The following SETBP1 variants were observed in gnomAD, a reference collection of about 807,000 sequenced individuals.
The protein encoded by SETBP1 is SET binding protein 1.
A neutral mutation model predicts 101.0 loss-of-function variants in SETBP1; 9 were observed. The observed-to-expected ratio is 0.09, with a 90% CI of 0.05 to 0.16. The LOEUF (loss-of-function observed/expected upper bound fraction) is 0.16. Among genes scored for constraint, SETBP1 ranks in the 10% least tolerant of loss-of-function variants. SETBP1 has a pLI of 1.00. For synonymous variants in SETBP1, 818 were observed against 788.5 expected (o/e 1.04, Z -0.63); for missense variants, 1,858 against 2,033.8 (o/e 0.91, Z 1.66).
At chr18:44,683,430 C>T (rs2068790727) in intron 1 of SETBP1, among the ~76,000 whole-genome samples, 1 of 152,112 alleles carries the variant, frequency 6.6e-6, no homozygotes, top group Admixed American at 6.6e-5. Context: ...AGGCAGGAGG[C>T]AGGATTTTGC....
At chr18:45,055,574 C>T (rs558557178) in intron 5 of SETBP1, among the ~76,000 whole-genome samples, 1 of 151,616 alleles carries the variant, frequency 6.6e-6, no homozygotes, top group South Asian at 2.1e-4. Flanking sequence ...TTTTTAAGCA[C>T]TTGTGATAAG....
chr18:44,880,366 A>G (rs2069502343), intron 3 of SETBP1, among the ~76,000 whole-genome samples: 1 of 152,118 alleles, frequency 6.6e-6, no homozygotes, highest in Admixed American at 6.6e-5. Context: ...TTGCTGATGG[A>G]AAAAAGAGAG....
At chr18:44,781,448 G>T (rs953915359) in intron 2 of SETBP1, among the ~76,000 whole-genome samples, 31 of 142,668 alleles carry the variant, frequency 2.2e-4, no homozygotes, top group African/African-American at 7.3e-4. Flanking sequence ...TCTTTGCACC[G>T]CTCTCTCTCT....
chr18:44,788,757 C>T (rs563739361), intron 2 of SETBP1, among the ~76,000 whole-genome samples: 1 of 149,522 alleles, frequency 6.7e-6, no homozygotes, highest in Admixed American at 6.6e-5. Context: ...CAACTCCCCA[C>T]TCAGAGAAAC....
chr18:45,035,080 T>C (rs910944413), intron 4 of SETBP1, among the ~76,000 whole-genome samples: 1 of 151,968 alleles, frequency 6.6e-6, no homozygotes, highest in Non-Finnish European at 1.5e-5. Context: ...AGACTTCCAG[T>C]AGCCTGCCCA....
At chr18:45,004,637 C>T (rs2072687047) in intron 4 of SETBP1, among the ~76,000 whole-genome samples, 1 of 152,178 alleles carries the variant, frequency 6.6e-6, no homozygotes, top group African/African-American at 2.4e-5. Context: ...ACAGCCTTTC[C>T]ACCACTCCTC....
chr18:44,814,594 C>T (rs1011999202), intron 2 of SETBP1, among the ~76,000 whole-genome samples: 23 of 152,138 alleles, frequency 1.5e-4, no homozygotes, highest in Non-Finnish European at 4.4e-5. Flanking sequence ...CTCTATGTAA[C>T]CGAATGTTTG....
chr18:44,683,521 C>T (rs914007677), intron 1 of SETBP1, among the ~76,000 whole-genome samples: 1 of 152,170 alleles, frequency 6.6e-6, no homozygotes, highest in Non-Finnish European at 1.5e-5. Context: ...GGGGATGAAT[C>T]GATACTTGTC....
rs756180174 is a variant in SETBP1 at position 44,742,947 on chromosome 18, TTCTCTC to T, written c.486+41134_486+41139del. Among the ~76,000 whole-genome samples, 364 of 144,524 alleles carry T rather than the reference TTCTCTC, an allele frequency of 2.5e-3. 4 individuals carry two copies. The highest frequency in any genetic ancestry group is 8.9e-3 in the African/African-American group (347 of 39,052). 94.8% of individuals were successfully genotyped at this position (144,524 alleles called of 152,430 possible). ...CCTCATTGTGTCTGGCTCTCCCTCC[TTCTCTC>T]TCTCTCTCTCTCTCTCTCCCCCCCT... On this transcript the variant is annotated intron_variant, in intron 2 of 5. Coordinates refer to ENST00000649279, the MANE Select transcript of SETBP1 (RefSeq NM_015559.3).
intron 2 of SETBP1, among the ~76,000 whole-genome samples, chr18:44,760,584 T>C (rs1041312235): frequency 1.3e-5 from 2 of 152,220 alleles, no homozygotes; most frequent in Non-Finnish European, 2.9e-5. Context: ...ACACCTCCTC[T>C]TTCCTTTTCC....
intron 2 of SETBP1, among the ~76,000 whole-genome samples, chr18:44,761,969 T>G (rs910440670): frequency 2.0e-5 from 3 of 152,122 alleles, no homozygotes; most frequent in Non-Finnish European, 4.4e-5. Context: ...TAGGTCTTTG[T>G]GCATGACCTG....
chr18:44,877,779 A>G (rs1043006208), intron 3 of SETBP1, among the ~76,000 whole-genome samples: 2 of 151,954 alleles, frequency 1.3e-5, no homozygotes, highest in African/African-American at 4.8e-5. Context: ...TTTTTTTTTA[A>G]CCAGTATTGG....
chr18:44,894,767 C>T (rs777152061), intron 3 of SETBP1, among the ~76,000 whole-genome samples: 14 of 151,698 alleles, frequency 9.2e-5, no homozygotes, highest in Non-Finnish European at 1.6e-4. Context: ...CAACAAAGGA[C>T]CACCAAGAGA....
At chr18:44,821,996 T>C (rs1480731407) in intron 2 of SETBP1, among the ~76,000 whole-genome samples, 2 of 152,212 alleles carry the variant, frequency 1.3e-5, no homozygotes, top group Non-Finnish European at 2.9e-5. Context: ...AGCCATTATT[T>C]AAAGGATATT....
chr18:45,045,390 C>A (rs1216473218), intron 5 of SETBP1, among the ~76,000 whole-genome samples: 2 of 152,186 alleles, frequency 1.3e-5, no homozygotes, highest in Non-Finnish European at 2.9e-5. Context: ...GAAATCTCAC[C>A]ACTGCACTCC....
chr18:44,760,263 A>G, intron 2 of SETBP1, among the ~76,000 whole-genome samples: 1 of 152,234 alleles, frequency 6.6e-6, no homozygotes, highest in South Asian at 2.1e-4. Context: ...ATCAGGTCTC[A>G]GACATCTCTC....
At chr18:44,982,355 A>G (rs1442345805) in intron 4 of SETBP1, among the ~76,000 whole-genome samples, 2 of 152,216 alleles carry the variant, frequency 1.3e-5, no homozygotes, top group African/African-American at 4.8e-5. Flanking sequence ...CAGTCGCCTC[A>G]GGGGGCCAGA....
intron 4 of SETBP1, chr18:44,986,530 C>A (rs1320603435): frequency 1.3e-5 from 2 of 151,948 alleles, no homozygotes; most frequent in Admixed American, 6.6e-5. Context: ...TTAACTTTTT[C>A]ACTTTTGTAA....
At chr18:45,001,176 C>A (rs2072611127) in intron 4 of SETBP1, among the ~76,000 whole-genome samples, 1 of 152,172 alleles carries the variant, frequency 6.6e-6, no homozygotes, top group African/African-American at 2.4e-5. Context: ...TTGGGACTGA[C>A]AGTGACTTGG....
Sources: allele counts gnomAD v4.1 joint callset (sites outside exome capture counted in the v4.1 genomes callset), GRCh38; gene constraint gnomAD v4.1.1; transcripts MANE v1.5; gene names NCBI Gene and HGNC (gene_info 2026-07-23, HGNC 2026-07-21).